The following DENND1A variants were observed in gnomAD, a reference collection of about 807,000 sequenced individuals.
DENND1A encodes the protein DENN domain-containing protein 1A.
DENND1A carries 51 observed loss-of-function variants against 113.7 expected under a neutral mutation model. That is an observed-to-expected ratio of 0.45 (90% CI 0.36 to 0.57). The LOEUF (loss-of-function observed/expected upper bound fraction) is 0.57. Among genes scored for constraint, DENND1A ranks in the 20% least tolerant of loss-of-function variants. The pLI, the probability that DENND1A is intolerant of heterozygous loss-of-function variation, is 0.00. For synonymous variants in DENND1A, 565 were observed against 570.8 expected, an observed-to-expected ratio of 0.99 and a Z score of 0.14; for missense variants, 1,258 against 1,395.9, an observed-to-expected ratio of 0.90 and a Z score of 1.57.
At chr9:123,854,506 G>A (rs1843851333) in intron 2 of DENND1A, among the ~76,000 whole-genome samples, 1 of 151,972 alleles carries the variant, frequency 6.6e-6, no homozygotes, top group Non-Finnish European at 1.5e-5. Flanking sequence ...GACCAGCCTG[G>A]CCAACATAGT....
chr9:123,558,006 G>T (rs2057525848), intron 12 of DENND1A, among the ~76,000 whole-genome samples: 1 of 151,524 alleles, frequency 6.6e-6, no homozygotes, highest in Non-Finnish European at 1.5e-5. Flanking sequence ...AAAAAAAAGT[G>T]TTCAGAATTA....
chr9:123,814,842 T>G (rs544924784), intron 2 of DENND1A, among the ~76,000 whole-genome samples: 15 of 152,318 alleles, frequency 9.8e-5, no homozygotes, highest in Admixed American at 9.2e-4. Flanking sequence ...TAAAAAATAC[T>G]TAAACAAGGA....
intron 2 of DENND1A, among the ~76,000 whole-genome samples, chr9:123,826,009 G>GC (rs1839268617): frequency 6.6e-6 from 1 of 151,474 alleles, no homozygotes; most frequent in Admixed American, 6.6e-5. Context: ...GGATACCTGA[G>GC]TGAGAGTCAA....
chr9:123,814,035 A>C lies in DENND1A; in HGVS notation c.89-21405T>G, dbSNP rs116552060. On this transcript the variant is annotated intron_variant, in intron 2 of 23. Coordinates refer to ENST00000394215, the MANE Select transcript of DENND1A (RefSeq NM_001352964.2). ...ATTTTACTGATATAAATCCTGTATA[A>C]CTACTTACAGATTTTTACATAATGT... 2.4e-3 allele frequency among the ~76,000 whole-genome samples: 360 copies of C among 152,348 alleles called. 2 individuals are homozygous for C. Among genetic ancestry groups the C allele is most frequent in the African/African-American group, 8.4e-3 (350 of 41,596 alleles).
At chr9:123,823,124 AAC>A (rs973027216) in intron 2 of DENND1A, among the ~76,000 whole-genome samples, 4 of 152,206 alleles carry the variant, frequency 2.6e-5, no homozygotes, top group Admixed American at 6.5e-5. Flanking sequence ...CAGTGAATAA[AAC>A]ACAGTCTATA....
chr9:123,415,721 G>A (rs940343071), intron 19 of DENND1A, among the ~76,000 whole-genome samples: 13 of 152,182 alleles, frequency 8.5e-5, no homozygotes, highest in African/African-American at 2.9e-4. Context: ...CCTCATCTGT[G>A]AGGCCAGTCA....
At chr9:123,726,426 GAACATAC>G (rs1564145499) in intron 5 of DENND1A, among the ~76,000 whole-genome samples, 2 of 152,056 alleles carry the variant, frequency 1.3e-5, no homozygotes, top group Admixed American at 1.3e-4. Flanking sequence ...CCTATCACAC[GAACATAC>G]TTTAGCCATT....
chr9:123,606,003 AGAG>A (rs1209232801), intron 11 of DENND1A, among the ~76,000 whole-genome samples: 2 of 152,220 alleles, frequency 1.3e-5, no homozygotes, highest in Non-Finnish European at 2.9e-5. Context: ...TAGTGTAGCG[AGAG>A]GAGATGGGCC....
chr9:123,814,583 A>G (rs1590199806), intron 2 of DENND1A, among the ~76,000 whole-genome samples: 1 of 152,208 alleles, frequency 6.6e-6, no homozygotes, highest in South Asian at 2.1e-4. Flanking sequence ...CCATACAATA[A>G]TAATACAAGT....
chr9:123,791,177 G>T (rs1005586350), intron 3 of DENND1A, among the ~76,000 whole-genome samples: 3 of 152,050 alleles, frequency 2.0e-5, no homozygotes, highest in African/African-American at 7.2e-5. Context: ...AACTACAAAG[G>T]TTATTTACCT....
At chr9:123,631,613 T>C (rs2061478655) in intron 9 of DENND1A, among the ~76,000 whole-genome samples, 1 of 152,248 alleles carries the variant, frequency 6.6e-6, no homozygotes. Context: ...AGCATTTAAC[T>C]CTTCAGTCCA....
chr9:123,752,389 A>G (rs1321036895), intron 5 of DENND1A, among the ~76,000 whole-genome samples: 1 of 152,238 alleles, frequency 6.6e-6, no homozygotes, highest in African/African-American at 2.4e-5. Context: ...CTTGAGGAAA[A>G]AAGTTTTTTC....
At chr9:123,822,983 G>T (rs749346584) in intron 2 of DENND1A, among the ~76,000 whole-genome samples, 1 of 152,138 alleles carries the variant, frequency 6.6e-6, no homozygotes, top group Non-Finnish European at 1.5e-5. Flanking sequence ...GACACCTTTT[G>T]TGTCCCAATT....
intron 13 of DENND1A, among the ~76,000 whole-genome samples, chr9:123,461,325 C>T (rs1290236044): frequency 1.3e-5 from 2 of 152,164 alleles, no homozygotes; most frequent in East Asian, 1.9e-4. Flanking sequence ...TCTGTACGCC[C>T]CAGGAAGAGC....
At chr9:123,772,522 C>G (rs181225078) in intron 3 of DENND1A, among the ~76,000 whole-genome samples, 1 of 152,304 alleles carries the variant, frequency 6.6e-6, no homozygotes, top group South Asian at 2.1e-4. Context: ...TTTTAGACAA[C>G]CAGCCTCGGT....
chr9:123,862,843 T>C (rs1372378392), intron 2 of DENND1A, among the ~76,000 whole-genome samples: 1 of 152,212 alleles, frequency 6.6e-6, no homozygotes, highest in Non-Finnish European at 1.5e-5. Context: ...CAGGAGCTAG[T>C]TGATCAAACT....
intron 1 of DENND1A, among the ~76,000 whole-genome samples, chr9:123,893,109 TA>T (rs571378557): frequency 7.2e-4 from 106 of 146,636 alleles, no homozygotes; most frequent in South Asian, 1.5e-3. Context: ...TATATGTTTT[TA>T]AAAAAAAAAA....
chr9:123,574,391 A>G (rs569286813), intron 12 of DENND1A, among the ~76,000 whole-genome samples: 3 of 152,168 alleles, frequency 2.0e-5, no homozygotes, highest in South Asian at 4.1e-4. Context: ...TACAGATTTA[A>G]AATTCTTTAA....
intron 2 of DENND1A, among the ~76,000 whole-genome samples, chr9:123,828,679 C>T (rs1377592883): frequency 6.7e-6 from 1 of 148,842 alleles, no homozygotes; most frequent in Non-Finnish European, 1.5e-5. Flanking sequence ...TAAAGGAACA[C>T]CCATAAGACT....
Sources: allele counts gnomAD v4.1 joint callset (sites outside exome capture counted in the v4.1 genomes callset), GRCh38; gene constraint gnomAD v4.1.1; transcripts MANE v1.5; gene names NCBI Gene and HGNC (gene_info 2026-07-23, HGNC 2026-07-21).